The following ERC2 variants were observed in gnomAD, a reference collection of about 807,000 sequenced individuals.
The protein encoded by ERC2 is ERC protein 2.
ERC2 carries 42 observed loss-of-function variants against 114.8 expected under a neutral mutation model. The ratio of observed to expected loss-of-function variants is 0.37; its 90% CI spans 0.29 to 0.47. The LOEUF (loss-of-function observed/expected upper bound fraction) is 0.47. ERC2 is among the 20% of genes least tolerant of loss of function. ERC2 has a pLI of 0.99. For missense variants in ERC2, 939 were observed against 1,150.7 expected, an observed-to-expected ratio of 0.82 and a Z score of 2.66; for synonymous variants, 454 against 425.5, an observed-to-expected ratio of 1.07 and a Z score of -0.82.
intron 17 of ERC2, among the ~76,000 whole-genome samples, chr3:55,523,522 C>A (rs1462203340): frequency 1.3e-5 from 2 of 152,176 alleles, no homozygotes; most frequent in African/African-American, 4.8e-5. Context: ...CCTGACTTCC[C>A]TTCCTGGTCC....
chr3:56,238,528 G>A (rs1040718258), intron 3 of ERC2, among the ~76,000 whole-genome samples: 1 of 152,180 alleles, frequency 6.6e-6, no homozygotes, highest in Non-Finnish European at 1.5e-5. Flanking sequence ...ACCTAGCCCT[G>A]CCCCAGCAGA....
chr3:56,253,405 A>T (rs1178166501), intron 3 of ERC2, among the ~76,000 whole-genome samples: 1 of 152,220 alleles, frequency 6.6e-6, no homozygotes, highest in African/African-American at 2.4e-5. Context: ...TTTTCTAAAA[A>T]AGGGAGGAAT....
intron 14 of ERC2, among the ~76,000 whole-genome samples, chr3:55,852,836 C>T (rs1222141199): frequency 1.3e-5 from 2 of 152,256 alleles, no homozygotes; most frequent in Middle Eastern, 3.4e-3. Context: ...TCCAGATATT[C>T]CCCCCTAAAT....
intron 15 of ERC2, among the ~76,000 whole-genome samples, chr3:55,703,966 C>T (rs1244694591): frequency 6.6e-6 from 1 of 152,168 alleles, no homozygotes; most frequent in Non-Finnish European, 1.5e-5. Context: ...TGATTACTTA[C>T]CTCACTAAGA....
intron 12 of ERC2, among the ~76,000 whole-genome samples, chr3:55,967,736 T>C (rs1234855858): frequency 6.6e-6 from 1 of 152,158 alleles, no homozygotes; most frequent in Non-Finnish European, 1.5e-5. Context: ...TGGGAGGTGT[T>C]TGGGTCATGG....
At chr3:56,218,938 A>G (rs1158581083) in intron 3 of ERC2, among the ~76,000 whole-genome samples, 2 of 152,254 alleles carry the variant, frequency 1.3e-5, no homozygotes, top group Non-Finnish European at 2.9e-5. Flanking sequence ...GAACTGAACA[A>G]TGAGAACACA....
intron 4 of ERC2, among the ~76,000 whole-genome samples, chr3:56,159,931 G>T (rs1189747457): frequency 6.6e-6 from 1 of 152,106 alleles, no homozygotes; most frequent in Non-Finnish European, 1.5e-5. Context: ...TAGGTTGATT[G>T]CATGTCTTTG....
chr3:56,113,007 C>T (rs1361243312), intron 6 of ERC2, among the ~76,000 whole-genome samples: 1 of 152,184 alleles, frequency 6.6e-6, no homozygotes, highest in Non-Finnish European at 1.5e-5. Flanking sequence ...AAAAGCTTAT[C>T]TCCCTCTCAC....
intron 5 of ERC2, among the ~76,000 whole-genome samples, chr3:56,147,675 C>G (rs2081212092): frequency 6.6e-6 from 1 of 152,028 alleles, no homozygotes; most frequent in Non-Finnish European, 1.5e-5. Flanking sequence ...AAGCAACAAA[C>G]AAAATTAAAA....
intron 17 of ERC2, among the ~76,000 whole-genome samples, chr3:55,651,699 A>G (rs2060630056): frequency 6.6e-6 from 1 of 152,160 alleles, no homozygotes; most frequent in South Asian, 2.1e-4. Context: ...ATAAGGAGTA[A>G]GTCTACTAGG....
intron 7 of ERC2, among the ~76,000 whole-genome samples, chr3:56,020,129 C>T (rs967312738): frequency 4.6e-5 from 7 of 152,134 alleles, no homozygotes; most frequent in African/African-American, 1.7e-4. Flanking sequence ...GAGGTGGCAG[C>T]AGTAGCAGCG....
chr3:55,554,455 G>A (rs912661719), intron 17 of ERC2, among the ~76,000 whole-genome samples: 2 of 152,254 alleles, frequency 1.3e-5, no homozygotes, highest in South Asian at 2.1e-4. Context: ...AGGTGCAGAC[G>A]GGACCTGAAG....
chr3:56,239,270 A>G (rs2051163080), intron 3 of ERC2, among the ~76,000 whole-genome samples: 1 of 151,942 alleles, frequency 6.6e-6, no homozygotes, highest in Non-Finnish European at 1.5e-5. Flanking sequence ...TAATCCTAGC[A>G]CTTTCGGAGG....
intron 6 of ERC2, among the ~76,000 whole-genome samples, chr3:56,084,629 C>T (rs968323488): frequency 1.3e-5 from 2 of 152,110 alleles, no homozygotes; most frequent in African/African-American, 4.8e-5. Flanking sequence ...TGCATGTTCT[C>T]ACTTCTAAGT....
chr3:55,530,271 G>T (rs906970074), intron 17 of ERC2, among the ~76,000 whole-genome samples: 2 of 152,220 alleles, frequency 1.3e-5, no homozygotes, highest in African/African-American at 4.8e-5. Flanking sequence ...GACAGTAAAT[G>T]TGCTAGGCTT....
At chr3:56,056,515 G>C (rs1356368409) in intron 7 of ERC2, among the ~76,000 whole-genome samples, 1 of 152,182 alleles carries the variant, frequency 6.6e-6, no homozygotes, top group Non-Finnish European at 1.5e-5. Flanking sequence ...AGCTGATCTG[G>C]ACAAAATCTG....
chr3:55,781,684 C>T (rs1404767937), intron 14 of ERC2, among the ~76,000 whole-genome samples: 1 of 151,516 alleles, frequency 6.6e-6, no homozygotes, highest in East Asian at 1.9e-4. Context: ...CCATCCTGGC[C>T]AACAGGTGAA....
At chr3:56,299,255 G>T (rs1032002428) in intron 2 of ERC2, among the ~76,000 whole-genome samples, 1 of 151,432 alleles carries the variant, frequency 6.6e-6, no homozygotes, top group African/African-American at 2.4e-5. Flanking sequence ...AGCATCCCAA[G>T]TAGCTGGGAC....
intron 3 of ERC2, among the ~76,000 whole-genome samples, chr3:56,270,286 G>A (rs1349903586): frequency 6.6e-6 from 1 of 152,172 alleles, no homozygotes; most frequent in Non-Finnish European, 1.5e-5. Flanking sequence ...AATACAAAAT[G>A]ATCAAACCTG....
Sources: allele counts gnomAD v4.1 joint callset (sites outside exome capture counted in the v4.1 genomes callset), GRCh38; gene constraint gnomAD v4.1.1; transcripts MANE v1.5; gene names NCBI Gene and HGNC (gene_info 2026-07-23, HGNC 2026-07-21).